The following RCL1 variants were observed in gnomAD, a reference collection of about 807,000 sequenced individuals.
RCL1 encodes the protein RNA terminal phosphate cyclase like 1, also known as RNA 3'-terminal phosphate cyclase-like protein.
RCL1 carries 24 observed loss-of-function variants against 42.4 expected under a neutral mutation model. The observed-to-expected ratio is 0.57, with a 90% CI of 0.41 to 0.80. RCL1 has a LOEUF of 0.80. Ranked by LOEUF, RCL1 falls within the 30% of genes least tolerant of loss-of-function variation. The pLI is 0.00. For missense variants in RCL1, 578 were observed against 467.9 expected (o/e 1.24, Z -2.17); for synonymous variants, 228 against 177.3 (o/e 1.29, Z -2.27).
chr9:4,793,490 T>C (rs1842865663), intron 1 of RCL1, among the ~76,000 whole-genome samples: 1 of 152,242 alleles, frequency 6.6e-6, no homozygotes, highest in Admixed American at 6.5e-5. Flanking sequence ...GTTTTCCAGC[T>C]TTACGTGTAG....
chr9:4,842,215 G>C (rs1465375594), intron 6 of RCL1, among the ~76,000 whole-genome samples: 3 of 152,176 alleles, frequency 2.0e-5, no homozygotes, highest in Non-Finnish European at 4.4e-5. Flanking sequence ...CTAAAAATAA[G>C]AATATTAGAG....
At chr9:4,849,821 G>T (rs1817663242) in intron 8 of RCL1, among the ~76,000 whole-genome samples, 1 of 152,148 alleles carries the variant, frequency 6.6e-6, no homozygotes, top group South Asian at 2.1e-4. Flanking sequence ...TTTGTTTCCA[G>T]GTTAGAGGTA....
chr9:4,792,970 T>C lies in RCL1; in HGVS notation c.-122T>C, dbSNP rs1842852018. The C allele has an allele frequency of 9.0e-7, 1 of 1,107,844 alleles. No individual in the cohort carries two copies. The highest frequency in any genetic ancestry group is 1.3e-6 in the Non-Finnish European group (1 of 791,320). 68.6% of individuals were successfully genotyped at this position (1,107,844 alleles called of 1,614,324 possible). On this transcript the variant is annotated 5_prime_UTR_variant, in exon 1 of 9. Transcript: ENST00000381750. ...AACCACGTGGACGCGTCTGGGCTGC[T>C]GGAGGCAGCCCGAGCCGCCGCCGTC...
At chr9:4,849,637 G>A (rs774917551) in intron 8 of RCL1, 87 bp downstream of exon 8, 13 of 936,736 alleles carry the variant, frequency 1.4e-5, no homozygotes, top group Non-Finnish European at 2.2e-5. Context: ...GCTGCACAGA[G>A]CCTGCACTAT....
At chr9:4,801,576 T>C (rs1315593430) in intron 1 of RCL1, among the ~76,000 whole-genome samples, 1 of 152,230 alleles carries the variant, frequency 6.6e-6, no homozygotes, top group Non-Finnish European at 1.5e-5. Context: ...TGTCTTCTTA[T>C]TATCTTAATA....
chr9:4,802,018 C>A (rs952375564), intron 1 of RCL1, among the ~76,000 whole-genome samples: 4 of 151,550 alleles, frequency 2.6e-5, no homozygotes, highest in Non-Finnish European at 5.9e-5. Context: ...CAGCGATTCT[C>A]CTGTCTCAGT....
Position 4,844,598 on chromosome 9 carries a change from A to T in RCL1, c.784A>T (p.Asn262Tyr). Residue 262 changes from asparagine to tyrosine, a missense_variant, in exon 7 of 9, where the codon AAC (asparagine) becomes TAC (tyrosine). Asn to Tyr is a moderately radical substitution (Grantham distance 143, BLOSUM62 -2). Transcript: ENST00000381750. ...CTTCCTCAGTGCTGAACTGGCCTCC[A>T]ACCCCCAGGGCCAGGGAGCAGCAGT... is the stretch of plus-strand genomic sequence containing the variant. ...GTFLSAELAS[N>Y]PQGQGAAVLP... is the part of the protein sequence containing the mutation. The T allele has an allele frequency of 6.2e-7, 1 of 1,613,998 alleles. No homozygotes were observed. The highest frequency in any genetic ancestry group is 8.5e-7 in the Non-Finnish European group (1 of 1,179,968).
rs781407536 is a variant in RCL1 at position 4,841,285 on chromosome 9, G to C, written c.638G>C (p.Arg213Thr). 1 of 1,613,058 alleles carries C rather than the reference G, an allele frequency of 6.2e-7. No homozygotes were observed. The highest frequency in any genetic ancestry group is 1.3e-5 in the African/African-American group (1 of 74,874). The change falls in exon 6 of 9, where the codon AGG becomes ACG. Residue 213 changes from arginine to threonine, a missense_variant. By Grantham distance (71) the Arg-to-Thr change is moderately conservative. Coordinates refer to ENST00000381750, the MANE Select transcript of RCL1 (RefSeq NM_005772.5). ...QMANRIVDSA[R>T]SILNKFIPDI... ...GCGAACCGGATTGTGGATTCTGCAA[G>C]GAGCATCCTCAACAAGTTCATACCT...
intron 1 of RCL1, among the ~76,000 whole-genome samples, chr9:4,811,060 C>T (rs1396931902): frequency 6.6e-6 from 1 of 152,004 alleles, no homozygotes; most frequent in African/African-American, 2.4e-5. Flanking sequence ...AAAATCTGTT[C>T]TAGCTATTTG....
intron 2 of RCL1, among the ~76,000 whole-genome samples, 161 bp from the exon 3 acceptor site, chr9:4,826,697 G>A (rs933283291): frequency 1.3e-5 from 2 of 152,208 alleles, no homozygotes; most frequent in Admixed American, 6.5e-5. Flanking sequence ...ACAGTAGTGA[G>A]TCAGCTTTTG....
At chr9:4,852,080 A>G (rs1183425041) in intron 8 of RCL1, among the ~76,000 whole-genome samples, 10 of 152,012 alleles carry the variant, frequency 6.6e-5, no homozygotes, top group African/African-American at 2.2e-4. Flanking sequence ...ACGGGGTTTC[A>G]CCATGTTAGC....
chr9:4,860,162 A>T lies in RCL1; in HGVS notation c.1009A>T (p.Ile337Phe). The T allele has an allele frequency of 1.2e-6, 2 of 1,603,850 alleles. No individual in the cohort carries two copies. Among genetic ancestry groups the T allele is most frequent in the Non-Finnish European group, 1.7e-6 (2 of 1,176,548 alleles). The part of the protein sequence containing the change: ...FLRHLKSFFQ[I>F]MFKIETKPCG... ...GCGGCATTTGAAGAGCTTTTTCCAG[A>T]TTATGTTTAAAATTGAAACCAAGCC... The change falls in exon 9 of 9, where the codon ATT (isoleucine) becomes TTT (phenylalanine). Residue 337 changes from isoleucine (I) to phenylalanine (F), a missense_variant. By Grantham distance (21) the Ile-to-Phe change is conservative. Coordinates refer to ENST00000381750, the MANE Select transcript of RCL1 (RefSeq NM_005772.5).
intron 7 of RCL1, among the ~76,000 whole-genome samples, chr9:4,845,163 T>C (rs1020497269): frequency 1.3e-5 from 2 of 152,206 alleles, no homozygotes; most frequent in East Asian, 1.9e-4. Flanking sequence ...TTGCAATGCA[T>C]TCTAGAGCAC....
chr9:4,830,980 T>C (rs1816924546), intron 3 of RCL1, among the ~76,000 whole-genome samples: 1 of 152,124 alleles, frequency 6.6e-6, no homozygotes, highest in Non-Finnish European at 1.5e-5. Context: ...CTGCTAAAAC[T>C]AGAATGTGCA....
intron 1 of RCL1, among the ~76,000 whole-genome samples, chr9:4,821,535 C>T (rs1366443232): frequency 6.6e-6 from 1 of 152,132 alleles, no homozygotes; most frequent in Non-Finnish European, 1.5e-5. Flanking sequence ...CCAAGAAATC[C>T]AATATCAAGG....
intron 8 of RCL1, among the ~76,000 whole-genome samples, chr9:4,855,018 A>G (rs185115464): frequency 4.4e-4 from 65 of 148,076 alleles, no homozygotes; most frequent in South Asian, 2.4e-3. Flanking sequence ...GCACCATTGC[A>G]CCCCAGCCTG....
At chr9:4,848,295 G>A (rs116042862) in intron 7 of RCL1, among the ~76,000 whole-genome samples, 111 of 152,270 alleles carry the variant, frequency 7.3e-4, no homozygotes, top group African/African-American at 2.6e-3. Flanking sequence ...GGTAGTTTAG[G>A]GACGTGCAAT....
chr9:4,831,310 C>G (rs1240059274), intron 3 of RCL1, among the ~76,000 whole-genome samples: 1 of 148,974 alleles, frequency 6.7e-6, no homozygotes. Context: ...TGTTTTTTCA[C>G]CTTTTTTTCC....
chr9:4,849,372 TG>T, intron 7 of RCL1, 74 bp from the exon 8 acceptor site: 1 of 1,083,796 alleles, frequency 9.2e-7, no homozygotes, highest in African/African-American at 1.6e-5. Context: ...TGTATGTTTC[TG>T]GTTTTTTTTT....
Sources: allele counts gnomAD v4.1 joint callset (sites outside exome capture counted in the v4.1 genomes callset), GRCh38; gene constraint gnomAD v4.1.1; transcripts MANE v1.5; gene names NCBI Gene and HGNC (gene_info 2026-07-23, HGNC 2026-07-21).